Variants in MTMR3 observed in about 807,000 individuals in gnomAD.
MTMR3 encodes phosphatidylinositol-3,5-bisphosphate 3-phosphatase MTMR3.
Under a neutral mutation model 132.4 loss-of-function variants are expected in MTMR3, and 32 were observed. The observed-to-expected ratio is 0.24, with a 90% CI of 0.18 to 0.32. MTMR3 has a LOEUF of 0.32. Among genes scored for constraint, MTMR3 ranks in the 10% least tolerant of loss-of-function variants. The pLI, the probability that MTMR3 is intolerant of heterozygous loss-of-function variation, is 1.00. For synonymous variants in MTMR3, 556 were observed against 550.3 expected (o/e 1.01, Z -0.14); for missense variants, 1,216 against 1,489.6 (o/e 0.82, Z 3.02).
At position 30,028,346 on chromosome 22, in the gene MTMR3, T is replaced by C. The variant is rs1003372698; in HGVS notation, c.*2545T>C. On this transcript the variant is annotated 3_prime_UTR_variant, in exon 20 of 20. Transcript: ENST00000401950. ...AGAGAACTGGGGGCAGAAATGGAAT[T>C]AGATGTGATTGGGTTATGCAGTCAA... 6.6e-6 allele frequency: 1 copy of C among 152,368 alleles called. No individual in the cohort carries two copies. Among genetic ancestry groups the C allele is most frequent in the African/African-American group, 2.4e-5 (1 of 41,450 alleles). 9.4% of individuals were successfully genotyped at this position (152,368 alleles called of 1,614,324 possible). A position where few individuals can be genotyped will look rare whatever the true frequency, so the allele number is the denominator to read the frequency against.
chr22:29,884,550 AC>A (rs1368955248), intron 1 of MTMR3, among the ~76,000 whole-genome samples: 1 of 108,504 alleles, frequency 9.2e-6, no homozygotes, highest in African/African-American at 3.6e-5. Flanking sequence ...ACAGAATGAC[AC>A]TTTTTTTTTT....
intron 1 of MTMR3, among the ~76,000 whole-genome samples, chr22:29,930,459 A>G (rs910491838): frequency 1.3e-5 from 2 of 152,200 alleles, no homozygotes; most frequent in African/African-American, 4.8e-5. Flanking sequence ...TAATCTTAGC[A>G]CTTTGAGAGG....
chr22:29,928,623 T>C (rs1056889144), intron 1 of MTMR3, among the ~76,000 whole-genome samples: 1 of 152,176 alleles, frequency 6.6e-6, no homozygotes, highest in Non-Finnish European at 1.5e-5. Flanking sequence ...ATGGTTAGGC[T>C]GTTTCTAGTT....
In MTMR3 at chr22:30,029,566, G is replaced by C. The variant is rs911628686; in HGVS notation, c.*3765G>C. On this transcript the variant is annotated 3_prime_UTR_variant, in exon 20 of 20. Coordinates refer to ENST00000401950, the MANE Select transcript of MTMR3 (RefSeq NM_021090.4). The stretch of plus-strand genomic sequence containing the variant: ...CATATCCTGATATACTTGCCTGCTT[G>C]CACATGAGGCTGGGAGATCCCATGC... The C allele has an allele frequency of 6.6e-6, 1 of 152,346 alleles. No individual in the cohort carries two copies. Among genetic ancestry groups the C allele is most frequent in the Non-Finnish European group, 1.5e-5 (1 of 68,044 alleles). The allele number at this position is 152,346 out of a possible 1,614,324, so 9.4% of individuals were successfully genotyped here.
intron 2 of MTMR3, among the ~76,000 whole-genome samples, chr22:29,970,064 T>A (rs987771033): frequency 4.6e-5 from 7 of 152,262 alleles, no homozygotes; most frequent in Admixed American, 1.3e-4. Flanking sequence ...AAGAGCAACT[T>A]ACTTACTCTT....
chr22:29,958,077 T>C (rs554062199), intron 2 of MTMR3, among the ~76,000 whole-genome samples: 2 of 150,904 alleles, frequency 1.3e-5, no homozygotes, highest in South Asian at 4.2e-4. Flanking sequence ...TCCCCGAGGA[T>C]AAGGCAGGGG....
At chr22:29,886,338 C>G (rs1487393325) in intron 1 of MTMR3, among the ~76,000 whole-genome samples, 2 of 152,164 alleles carry the variant, frequency 1.3e-5, no homozygotes, top group Non-Finnish European at 2.9e-5. Context: ...TGAACATTAT[C>G]GAGTCCCCTA....
intron 1 of MTMR3, among the ~76,000 whole-genome samples, chr22:29,918,282 G>C (rs141774804): frequency 2.6e-3 from 390 of 152,336 alleles, no homozygotes; most frequent in African/African-American, 9.0e-3. Flanking sequence ...GTGTATGCCT[G>C]AATAGCACTT....
chr22:29,976,775 T>G (rs1258782148), intron 3 of MTMR3, among the ~76,000 whole-genome samples: 2 of 152,202 alleles, frequency 1.3e-5, no homozygotes, highest in African/African-American at 4.8e-5. Flanking sequence ...GACTTCATTT[T>G]GAGAATCATG....
chr22:29,891,892 G>A (rs1343877269), intron 1 of MTMR3, among the ~76,000 whole-genome samples: 3 of 151,700 alleles, frequency 2.0e-5, no homozygotes, highest in African/African-American at 7.3e-5. Context: ...CGGTGGCTCA[G>A]GCCTGTAATC....
At chr22:29,945,978 T>C (rs1056613388) in intron 1 of MTMR3, among the ~76,000 whole-genome samples, 3 of 151,792 alleles carry the variant, frequency 2.0e-5, no homozygotes, top group Non-Finnish European at 2.9e-5. Context: ...AGAGTAGTTA[T>C]GTTATAAATT....
chr22:29,988,261 T>C (rs535667056), intron 5 of MTMR3: 201 of 327,828 alleles, frequency 6.1e-4, no homozygotes, highest in African/African-American at 3.9e-3. Context: ...GTTGCCTTCA[T>C]GCTATGACAT....
rs35031180 is a variant in MTMR3, at chr22:29,959,759, ATT to A, written c.-85+2689_-85+2690del. 3.3e-3 allele frequency among the ~76,000 whole-genome samples: 440 copies of A among 133,772 alleles called. 1 individual carries two copies. The highest frequency in any genetic ancestry group is 0.018 in the East Asian group (79 of 4,392). 87.8% of individuals were successfully genotyped at this position (133,772 alleles called of 152,430 possible). A position where few individuals can be genotyped will look rare whatever the true frequency, so the allele number is the denominator to read the frequency against. ...ATAATGTAAATTTGTAAAAGTGTTA[ATT>A]TTTTTTTTTTTTTTTTTGACACAAG... On this transcript the variant is annotated intron_variant, in intron 2 of 19. Coordinates refer to ENST00000401950, the MANE Select transcript of MTMR3 (RefSeq NM_021090.4).
intron 2 of MTMR3, among the ~76,000 whole-genome samples, chr22:29,963,452 C>G (rs145807339): frequency 6.9e-6 from 1 of 144,980 alleles, no homozygotes; most frequent in Non-Finnish European, 1.5e-5. Flanking sequence ...GGCAATGGTG[C>G]GATCTCGGCT....
chr22:30,019,366 T>C (rs915499412), intron 16 of MTMR3, 114 bp from the exon 17 acceptor site: 1 of 959,172 alleles, frequency 1.0e-6, no homozygotes, highest in Non-Finnish European at 1.5e-6. Context: ...TACAGCTCCA[T>C]GAGTAGCCAT....
chr22:29,997,931 C>T (rs1041811764), intron 7 of MTMR3: 9 of 152,142 alleles, frequency 5.9e-5, no homozygotes, highest in African/African-American at 1.7e-4. Context: ...ATATTATATT[C>T]GCTGTCTTAC....
At chr22:29,949,144 C>CACACACACACACA (rs1491241499) in intron 1 of MTMR3, among the ~76,000 whole-genome samples, 1 of 14,100 alleles carries the variant, frequency 7.1e-5, no homozygotes, top group African/African-American at 2.4e-4. Flanking sequence ...CACACACACA[C>CACACACACACACA]CCCCCCCCCC....
At chr22:30,003,066 G>A in intron 9 of MTMR3, 73 bp downstream of exon 9, 1 of 1,198,740 alleles carries the variant, frequency 8.3e-7, no homozygotes, top group Non-Finnish European at 1.2e-6. Context: ...TGCCTCTGCT[G>A]CTGCTAACCT....
chr22:29,915,058 A>G (rs2065282529), intron 1 of MTMR3, among the ~76,000 whole-genome samples: 2 of 152,138 alleles, frequency 1.3e-5, no homozygotes, highest in African/African-American at 4.8e-5. Flanking sequence ...TTTTGTGGTA[A>G]GGCATATGGT....
Sources: gnomAD v4.1 joint callset for allele counts (sites outside exome capture counted in the v4.1 genomes callset) on GRCh38, gnomAD v4.1.1 for gene constraint, MANE v1.5 for transcripts, NCBI Gene and HGNC (gene_info 2026-07-23, HGNC 2026-07-21) for gene names.